Variants in CRADD observed in about 807,000 individuals in gnomAD.
The protein encoded by CRADD is CARD and death domain containing adaptor protein.
Under a neutral mutation model 15.5 loss-of-function variants are expected in CRADD, and 9 were observed. The observed-to-expected ratio is 0.58, with a 90% CI of 0.35 to 1.01. The LOEUF (loss-of-function observed/expected upper bound fraction) is 1.01. CRADD is among the 50% of genes least tolerant of loss of function. The pLI, the probability that CRADD is intolerant of heterozygous loss-of-function variation, is 0.02. For synonymous variants in CRADD, 118 were observed against 107.6 expected (o/e 1.10, Z -0.60); for missense variants, 227 against 250.3 (o/e 0.91, Z 0.63).
chr12:93,861,511 C>T (rs1156768621), intron 2 of CRADD, among the ~76,000 whole-genome samples: 2 of 152,208 alleles, frequency 1.3e-5, no homozygotes, highest in Admixed American at 6.5e-5. Context: ...CTGCTAAAGA[C>T]AGTTGTCTTG....
intron 2 of CRADD, among the ~76,000 whole-genome samples, chr12:93,706,809 G>A (rs919442837): frequency 4.6e-5 from 7 of 152,168 alleles, no homozygotes; most frequent in Admixed American, 3.3e-4. Flanking sequence ...TGCAATCATT[G>A]TTTAGTAGCT....
In CRADD at chr12:93,724,036, T is replaced by C. The variant is rs117840422; in HGVS notation, c.298+44964T>C. On this transcript the variant is annotated intron_variant, in intron 2 of 2. Coordinates refer to ENST00000332896, the MANE Select transcript of CRADD (RefSeq NM_003805.5). ...AGTGCTCTGGCATATTTCAAAATGGTTCCTTTTCCTTCTCCTCCTGCTGGA... is the reference window on the plus strand; with the variant it reads ...AGTGCTCTGGCATATTTCAAAATGGCTCCTTTTCCTTCTCCTCCTGCTGGA... Among the ~76,000 whole-genome samples, 343 of 152,236 alleles carry C rather than the reference T, an allele frequency of 2.3e-3. 1 individual carries two copies. The highest frequency in any genetic ancestry group is 4.1e-3 in the Non-Finnish European group (280 of 68,008).
chr12:93,800,993 A>G (rs977273792), intron 2 of CRADD, among the ~76,000 whole-genome samples: 6 of 152,196 alleles, frequency 3.9e-5, no homozygotes, highest in African/African-American at 9.7e-5. Flanking sequence ...TCTGTTTGCT[A>G]TATTTCCTGT....
chr12:93,827,424 T>C (rs1452926847), intron 2 of CRADD, among the ~76,000 whole-genome samples: 1 of 152,196 alleles, frequency 6.6e-6, no homozygotes, highest in African/African-American at 2.4e-5. Context: ...AGGACAGTAT[T>C]TCATTTTGCA....
At chr12:93,798,918 G>T (rs998856163) in intron 2 of CRADD, among the ~76,000 whole-genome samples, 1 of 152,014 alleles carries the variant, frequency 6.6e-6, no homozygotes. Flanking sequence ...GCCAGTCCAC[G>T]CCCTGTAGCC....
chr12:93,874,734 T>G (rs1267651785), intron 2 of CRADD, among the ~76,000 whole-genome samples: 1 of 152,132 alleles, frequency 6.6e-6, no homozygotes, highest in African/African-American at 2.4e-5. Flanking sequence ...TTTCCAAAAT[T>G]CCTCTTGTTA....
chr12:93,801,259 T>A (rs899800569), intron 2 of CRADD, among the ~76,000 whole-genome samples: 2 of 152,218 alleles, frequency 1.3e-5, no homozygotes, highest in Non-Finnish European at 2.9e-5. Context: ...TTCCAGTACT[T>A]CATGAGGTGG....
At chr12:93,885,436 G>GCC (rs138828699) in intron 2 of CRADD, among the ~76,000 whole-genome samples, 30 of 151,520 alleles carry the variant, frequency 2.0e-4, no homozygotes, top group African/African-American at 7.1e-4. Flanking sequence ...AGGTCCTCGT[G>GCC]CCCCCGCCAC....
chr12:93,696,598 A>T (rs1459353802), intron 2 of CRADD, among the ~76,000 whole-genome samples: 6 of 152,074 alleles, frequency 3.9e-5, no homozygotes, highest in Non-Finnish European at 8.8e-5. Flanking sequence ...GATTGGGGAG[A>T]TGTTGGTCAC....
At chr12:93,803,063 A>G (rs1278081831) in intron 2 of CRADD, among the ~76,000 whole-genome samples, 1 of 152,244 alleles carries the variant, frequency 6.6e-6, no homozygotes, top group Non-Finnish European at 1.5e-5. Context: ...GGAAGCTGAC[A>G]GAATACTAAC....
chr12:93,779,725 G>A (rs1294040065), intron 2 of CRADD, among the ~76,000 whole-genome samples: 1 of 152,048 alleles, frequency 6.6e-6, no homozygotes, highest in African/African-American at 2.4e-5. Flanking sequence ...GAGTAGCTGG[G>A]ACTACAGGTG....
intron 2 of CRADD, among the ~76,000 whole-genome samples, chr12:93,734,691 G>A (rs773599339): frequency 2.0e-5 from 3 of 152,100 alleles, no homozygotes; most frequent in Non-Finnish European, 2.9e-5. Flanking sequence ...TCCGGACCCC[G>A]TCCCTCGTAT....
intron 2 of CRADD, among the ~76,000 whole-genome samples, chr12:93,693,814 A>G (rs1955633190): frequency 6.6e-6 from 1 of 152,118 alleles, no homozygotes; most frequent in African/African-American, 2.4e-5. Context: ...TAGCTTAGTA[A>G]TGTATAAGGA....
intron 2 of CRADD, among the ~76,000 whole-genome samples, chr12:93,700,065 G>C (rs1592898635): frequency 2.0e-5 from 3 of 152,204 alleles, no homozygotes; most frequent in Admixed American, 1.3e-4. Context: ...TCCAGGGGAA[G>C]AAGCCAGTCC....
Position 93,705,450 on chromosome 12 carries a change from T to C in CRADD, c.298+26378T>C, listed in dbSNP as rs569625252. The stretch of plus-strand genomic sequence containing the variant: ...TCTGTGCTCTAGGGACAGTCTCCTG[T>C]CTGCCTTGAACACATTAGACAGATG... On this transcript the variant is annotated intron_variant, in intron 2 of 2. Transcript: ENST00000332896. 3.9e-5 allele frequency among the ~76,000 whole-genome samples: 6 copies of C among 152,340 alleles called. 1 individual carries two copies. The highest frequency in any genetic ancestry group is 1.3e-4 in the Admixed American group (2 of 15,304).
At chr12:93,705,969 T>C (rs1271908994) in intron 2 of CRADD, among the ~76,000 whole-genome samples, 1 of 152,230 alleles carries the variant, frequency 6.6e-6, no homozygotes, top group Non-Finnish European at 1.5e-5. Flanking sequence ...GTAGTTTCTG[T>C]GTGAAGGCAA....
At chr12:93,844,137 C>G (rs1958084400) in intron 2 of CRADD, among the ~76,000 whole-genome samples, 1 of 152,154 alleles carries the variant, frequency 6.6e-6, no homozygotes, top group Non-Finnish European at 1.5e-5. Flanking sequence ...TGATATTTTT[C>G]TAATCATATT....
At chr12:93,862,567 T>C (rs894186041) in intron 2 of CRADD, among the ~76,000 whole-genome samples, 1 of 152,192 alleles carries the variant, frequency 6.6e-6, no homozygotes, top group African/African-American at 2.4e-5. Flanking sequence ...GAGCCTTTGT[T>C]GTGAGTCTGC....
At chr12:93,727,499 T>C (rs12817381) in intron 2 of CRADD, among the ~76,000 whole-genome samples, 56,309 of 152,032 alleles carry the variant, frequency 0.37, 11,681 homozygotes, top group East Asian at 0.57. Flanking sequence ...AGGCATGAAA[T>C]AGAACGATTT....
Sources: gnomAD v4.1 joint callset for allele counts (sites outside exome capture counted in the v4.1 genomes callset) on GRCh38, gnomAD v4.1.1 for gene constraint, MANE v1.5 for transcripts, NCBI Gene and HGNC (gene_info 2026-07-23, HGNC 2026-07-21) for gene names.